Variants in MYO9B observed in about 807,000 individuals in gnomAD.
MYO9B encodes the protein myosin IXB.
A neutral mutation model predicts 229.5 loss-of-function variants in MYO9B; 71 were observed. The observed-to-expected ratio is 0.31, with a 90% CI of 0.26 to 0.38. The LOEUF is 0.38. Among genes scored for constraint, MYO9B ranks in the 10% least tolerant of loss-of-function variants. The probability of loss-of-function intolerance (pLI) is 1.00; values close to 1 mark genes in which losing one functional copy is unlikely to be tolerated. For missense variants in MYO9B, 2,255 were observed against 2,920.5 expected (o/e 0.77, Z 5.25); for synonymous variants, 1,185 against 1,235.8 (o/e 0.96, Z 0.86).
At chr19:17,152,728 A>T (rs2072492543) in intron 4 of MYO9B, 22 bp downstream of exon 4, 1 of 1,593,744 alleles carries the variant, frequency 6.3e-7, no homozygotes, top group Non-Finnish European at 8.6e-7. Flanking sequence ...TTTTCCCAGG[A>T]ATCTCTGAAT....
At chr19:17,209,558 C>T in intron 35 of MYO9B, 28 bp from the exon 36 acceptor site, 3 of 1,565,438 alleles carry the variant, frequency 1.9e-6, no homozygotes, top group Non-Finnish European at 1.7e-6. Flanking sequence ...GTAACTGAGT[C>T]ACTTCCTCCC....
chr19:17,149,887 A>C (rs1409604757), intron 3 of MYO9B, among the ~76,000 whole-genome samples: 3 of 152,262 alleles, frequency 2.0e-5, no homozygotes, highest in African/African-American at 7.2e-5. Flanking sequence ...CTGCAGATGC[A>C]GCACGGGGAA....
chr19:17,149,771 G>A (rs2072456654), intron 3 of MYO9B, among the ~76,000 whole-genome samples: 2 of 152,208 alleles, frequency 1.3e-5, no homozygotes, highest in East Asian at 3.9e-4. Flanking sequence ...CTCAGTGCTG[G>A]AGGAGCCCTG....
At position 17,211,699 on chromosome 19, in the gene MYO9B, G is replaced by A; in HGVS notation, c.5983G>A (p.Glu1995Lys). 6.2e-7 allele frequency: 1 copy of A among 1,612,576 alleles called. No individual in the cohort carries two copies. Among genetic ancestry groups the A allele is most frequent in the Non-Finnish European group, 8.5e-7 (1 of 1,179,634 alleles). ...PELDPRGSDE[E>K]NLDSETSAST... ...GCTGGACCCAAGGGGCTCGGACGAG[G>A]AGAACCTGGACTCGGAGACGTCGGC... The change falls in exon 39 of 40, where the codon GAG becomes AAG. Residue 1995 changes from glutamate (E) to lysine (K), a missense_variant. Glu to Lys is a moderately conservative substitution (Grantham distance 56). Around this residue, in one of 7 missense-constraint regions of MYO9B, gnomAD observed 331 missense variants for 332.5 expected, o/e 1.00. Transcript: ENST00000682292.
chr19:17,122,184 GT>G (rs1375984387), intron 2 of MYO9B, among the ~76,000 whole-genome samples: 6 of 152,158 alleles, frequency 3.9e-5, no homozygotes, highest in African/African-American at 1.4e-4. Context: ...GTGCAAGCTG[GT>G]TGCAAAGTGA....
intron 14 of MYO9B, among the ~76,000 whole-genome samples, chr19:17,176,241 TTGGCCAGGA>T (rs1257031240): frequency 6.6e-6 from 1 of 152,154 alleles, no homozygotes; most frequent in Non-Finnish European, 1.5e-5. Context: ...TTTCACCGTG[TTGGCCAGGA>T]TGGTCTTGAT....
intron 30 of MYO9B, 31 bp from the exon 31 acceptor site, chr19:17,205,232 C>T: frequency 6.2e-7 from 1 of 1,605,768 alleles, no homozygotes; most frequent in Non-Finnish European, 8.5e-7. Flanking sequence ...CCCCAGCACC[C>T]TCTGTGACTC....
At chr19:17,179,540 C>T (rs2072832075) in intron 14 of MYO9B, among the ~76,000 whole-genome samples, 1 of 150,430 alleles carries the variant, frequency 6.6e-6, no homozygotes, top group African/African-American at 2.4e-5. Flanking sequence ...GATTGTCGTG[C>T]CTCAGCCTCC....
rs59440394 is a variant in MYO9B at position 17,090,118 on chromosome 19, C to CTTTTTTTTTTTTTTTTT, written c.-58-11515_-58-11499dup. ...TATAGCATGAATCGGTGCTTCCTTCCTTTTTTTTTTTTTTTTTTTTTTTTT... is the reference window on the plus strand; with the variant it reads ...TATAGCATGAATCGGTGCTTCCTTCCTTTTTTTTTTTTTTTTTTTTTTTTTTTTTTTTTTTTTTTTTT... On this transcript the variant is annotated intron_variant, in intron 1 of 39. Coordinates refer to ENST00000682292, the MANE Select transcript of MYO9B (RefSeq NM_004145.4). 8.1e-5 allele frequency among the ~76,000 whole-genome samples: 4 copies of CTTTTTTTTTTTTTTTTT among 49,236 alleles called. 1 individual carries two copies. Among genetic ancestry groups the CTTTTTTTTTTTTTTTTT allele is most frequent in the East Asian group, 1.2e-3 (2 of 1,606 alleles). The allele number at this position is 49,236 out of a possible 152,430, so 32.3% of individuals were successfully genotyped here.
At chr19:17,205,179 C>T (rs2073146537) in intron 30 of MYO9B, 84 bp from the exon 31 acceptor site, 5 of 1,029,708 alleles carry the variant, frequency 4.9e-6, no homozygotes, top group Non-Finnish European at 7.2e-6. Flanking sequence ...AGGCAATTGG[C>T]GGCCCCCGGC....
chr19:17,089,691 T>C (rs565757776), intron 1 of MYO9B, among the ~76,000 whole-genome samples: 1 of 152,196 alleles, frequency 6.6e-6, no homozygotes, highest in Non-Finnish European at 1.5e-5. Context: ...GAGATTGGCA[T>C]TTTTTCAGAG....
intron 10 of MYO9B, among the ~76,000 whole-genome samples, chr19:17,163,836 T>C (rs1387693032): frequency 1.3e-5 from 2 of 152,224 alleles, no homozygotes; most frequent in Non-Finnish European, 2.9e-5. Flanking sequence ...CTGAGTAATA[T>C]TCCATTTTCT....
rs560416079 is a variant in MYO9B at position 17,181,107 on chromosome 19, G to A, written c.2333+67G>A. ...GCCTCCCACTACTCCTGCGACCCCG[G>A]CGGGGCCTGCAGTCTTCCTAATTTG... On this transcript the variant is annotated intron_variant, in intron 15 of 39. Transcript: ENST00000682292. The A allele has an allele frequency of 3.5e-6, 4 of 1,147,082 alleles. No homozygotes were observed. In the South Asian group the frequency reaches 5.6e-5, roughly 16 times the overall value. 71.1% of individuals were successfully genotyped at this position (1,147,082 alleles called of 1,614,324 possible).
In MYO9B at chr19:17,154,002, T is replaced by G; in HGVS notation, c.1034T>G (p.Val345Gly). 1 of 1,613,794 alleles carries G rather than the reference T, an allele frequency of 6.2e-7. No individual in the cohort carries two copies. The highest frequency in any genetic ancestry group is 1.6e-4 in the Middle Eastern group (1 of 6,062). ...GTGTTTTATTATTTGTTACTTGGGG[T>G]CAGCGAGGAAGAGCGCCAAGAATTT... is the stretch of plus-strand genomic sequence containing the variant. ...YHVFYYLLLG[V>G]SEEERQEFQL... The change falls in exon 5 of 40, where the codon GTC becomes GGC. Residue 345 changes from valine to glycine, a missense_variant. Physicochemically the swap from Val to Gly is moderately radical, Grantham distance 109. Transcript: ENST00000682292.
chr19:17,179,445 T>C (rs561892022), intron 14 of MYO9B, among the ~76,000 whole-genome samples: 1 of 115,226 alleles, frequency 8.7e-6, no homozygotes, highest in African/African-American at 3.9e-5. Flanking sequence ...TTTTTTTTTT[T>C]AGACAGAGTC....
rs772400374 is a variant in MYO9B at position 17,195,351 on chromosome 19, C to T, written c.3924C>T (p.Ser1308=). The part of the protein sequence containing the change: ...QRYLDAERLA[S]AVELWRGKKL... ...ACCTGGACGCCGAGCGGCTGGCCAGCGCCGTGGAACTGTGGCGGGGCAAGA... is the reference window on the plus strand; with the variant it reads ...ACCTGGACGCCGAGCGGCTGGCCAGTGCCGTGGAACTGTGGCGGGGCAAGA... The change falls in exon 22 of 40, where the codon AGC becomes AGT. Residue 1308 remains serine (S), a synonymous_variant. Transcript: ENST00000682292. This position sits in a 1 kb window ranked among gnomAD's most constrained non-coding sequence, Gnocchi z 4.5. 6 of 1,612,088 alleles carry T rather than the reference C, an allele frequency of 3.7e-6. No homozygotes were observed. Among genetic ancestry groups the T allele is most frequent in the African/African-American group, 2.7e-5 (2 of 74,934 alleles).
chr19:17,199,619 T>G (rs2073084166), intron 24 of MYO9B, among the ~76,000 whole-genome samples: 1 of 151,680 alleles, frequency 6.6e-6, no homozygotes, highest in Non-Finnish European at 1.5e-5. Flanking sequence ...GCTCAAGCGA[T>G]TCTCCTGCCT....
chr19:17,207,260 G>T lies in MYO9B; in HGVS notation c.5624+16G>T. ...AGATCACCACGTGAGTGCCCACCCT[G>T]CCCCGGAGGCATGCTCAGGGCAGCC... On this transcript the variant is annotated intron_variant, in intron 35 of 39. Transcript: ENST00000682292. 1 of 1,587,536 alleles carries T rather than the reference G, an allele frequency of 6.3e-7. No homozygotes were observed. Among genetic ancestry groups the T allele is most frequent in the East Asian group, 2.3e-5 (1 of 43,504 alleles).
chr19:17,133,192 A>G (rs2072224284), intron 2 of MYO9B, among the ~76,000 whole-genome samples: 1 of 152,184 alleles, frequency 6.6e-6, no homozygotes, highest in Non-Finnish European at 1.5e-5. Flanking sequence ...ATGATGTGCA[A>G]CATGACATTT....
Sources: gnomAD v4.1 joint callset for allele counts (sites outside exome capture counted in the v4.1 genomes callset) on GRCh38, gnomAD v4.1.1 for gene constraint, gnomAD v4.1.1 regional missense constraint, Gnocchi (gnomAD v3.1) non-coding constraint, MANE v1.5 for transcripts, NCBI Gene and HGNC (gene_info 2026-07-23, HGNC 2026-07-21) for gene names.